PREX1: variants seen among roughly 807,000 people sequenced by gnomAD.
The protein encoded by PREX1 is phosphatidylinositol-3,4,5-trisphosphate dependent Rac exchange factor 1.
A neutral mutation model predicts 198.3 loss-of-function variants in PREX1; 41 were observed. The observed-to-expected ratio is 0.21, with a 90% CI of 0.16 to 0.27. The LOEUF (loss-of-function observed/expected upper bound fraction) is 0.27, where lower values mean the gene tolerates loss of function less well. Among genes scored for constraint, PREX1 ranks in the 10% least tolerant of loss-of-function variants. The pLI is 1.00. For synonymous variants in PREX1, 843 were observed against 887.2 expected (o/e 0.95, Z 0.89); for missense variants, 1,620 against 2,200.7 (o/e 0.74, Z 5.28).
intron 31 of PREX1, 46 bp downstream of exon 31, chr20:48,637,665 G>C (rs773523528): frequency 6.5e-7 from 1 of 1,546,846 alleles, no homozygotes; most frequent in African/African-American, 1.4e-5. Flanking sequence ...CTTGGGTGGT[G>C]GAAGAGGCCG....
intron 4 of PREX1, among the ~76,000 whole-genome samples, chr20:48,733,626 C>T (rs191374855): frequency 1.1e-4 from 16 of 152,194 alleles, no homozygotes; most frequent in Non-Finnish European, 1.5e-4. Context: ...ATCATTTGAA[C>T]ACCCAGACTC....
At chr20:48,657,000 A>C (rs766961804) in intron 18 of PREX1, 40 bp downstream of exon 18, 2 of 1,550,118 alleles carry the variant, frequency 1.3e-6, no homozygotes, top group Non-Finnish European at 1.7e-6. Flanking sequence ...ACTCAGCCTG[A>C]GAGGGAGGGC....
chr20:48,837,077 T>TA, the PREX1 span, among the ~76,000 whole-genome samples: 4 of 152,052 alleles, frequency 2.6e-5, no homozygotes, highest in African/African-American at 9.7e-5. Flanking sequence ...GGAAAATACT[T>TA]ACATAGATTC....
intron 15 of PREX1, among the ~76,000 whole-genome samples, chr20:48,663,090 C>T (rs376472220): frequency 2.0e-4 from 31 of 152,316 alleles, no homozygotes; most frequent in African/African-American, 7.2e-4. Context: ...CTGGCCCTTA[C>T]CTGCCCACCT....
intron 3 of PREX1, among the ~76,000 whole-genome samples, chr20:48,741,507 A>C (rs1450820939): frequency 4.6e-5 from 7 of 152,168 alleles, no homozygotes; most frequent in Non-Finnish European, 8.8e-5. Flanking sequence ...CTACAGGTGC[A>C]CATTACCATG....
intron 27 of PREX1, among the ~76,000 whole-genome samples, chr20:48,643,861 G>T (rs1568797960): frequency 6.6e-6 from 1 of 152,166 alleles, no homozygotes; most frequent in Non-Finnish European, 1.5e-5. Flanking sequence ...ATTTTTAGTA[G>T]AGACGGGGTT....
intron 2 of PREX1, among the ~76,000 whole-genome samples, chr20:48,745,653 G>C (rs2090104205): frequency 6.6e-6 from 1 of 152,218 alleles, no homozygotes; most frequent in Admixed American, 6.5e-5. Flanking sequence ...TTAGAAATAC[G>C]CTGTCTAAAC....
chr20:48,677,444 T>C (rs1348860427), intron 13 of PREX1, among the ~76,000 whole-genome samples: 1 of 152,200 alleles, frequency 6.6e-6, no homozygotes, highest in Non-Finnish European at 1.5e-5. Context: ...CATCCACAAC[T>C]GTGAGCTTTG....
intron 2 of PREX1, 96 bp downstream of exon 2, chr20:48,747,713 C>A (rs1601111484): frequency 1.5e-6 from 2 of 1,348,080 alleles, no homozygotes; most frequent in East Asian, 2.4e-5. Context: ...TGATGCGCCT[C>A]CCCCTGCATG....
chr20:48,633,357 AGCACAGAT>A (rs752809573), intron 33 of PREX1, among the ~76,000 whole-genome samples: 2 of 152,274 alleles, frequency 1.3e-5, no homozygotes, highest in Non-Finnish European at 2.9e-5. Context: ...ATGTATAATA[AGCACAGAT>A]GCACAGATAA....
At chr20:48,636,717 G>A in intron 31 of PREX1, 34 bp from the exon 32 acceptor site, 1 of 1,546,212 alleles carries the variant, frequency 6.5e-7, no homozygotes, top group African/African-American at 1.4e-5. Flanking sequence ...TTGCTGGAGG[G>A]GCGCTCCCGT....
At chr20:48,697,795 G>A (rs1306047021) in intron 7 of PREX1, among the ~76,000 whole-genome samples, 1 of 152,162 alleles carries the variant, frequency 6.6e-6, no homozygotes, top group African/African-American at 2.4e-5. Context: ...CTGGAGGATG[G>A]GAGGTGGGTT....
In PREX1 at chr20:48,692,705, C is replaced by T; in HGVS notation, c.1003G>A (p.Val335Ile). ...TCTTCCACATTCTCCACCTCCATGA[C>T]TTCAGTGTTGATTCGACCCCTGAAG... ...YIFRGRINTEVMEVENVEDGT... is the reference protein window; with the variant it reads ...YIFRGRINTEIMEVENVEDGT... The change falls in exon 8 of 40, where the codon GTC (valine) becomes ATC (isoleucine). Residue 335 changes from valine to isoleucine, a missense_variant. By Grantham distance (29) the Val-to-Ile change is conservative. This residue lies in a region of PREX1 where 488 missense variants were observed against 802.5 expected (regional missense o/e 0.61). Transcript: ENST00000371941. 1 of 1,614,138 alleles carries T rather than the reference C, an allele frequency of 6.2e-7. No homozygotes were observed. The highest frequency in any genetic ancestry group is 8.5e-7 in the Non-Finnish European group (1 of 1,180,020).
intron 1 of PREX1, among the ~76,000 whole-genome samples, chr20:48,773,104 T>C (rs979813411): frequency 4.6e-5 from 7 of 151,734 alleles, no homozygotes; most frequent in African/African-American, 1.7e-4. Flanking sequence ...TCGTCTCTAC[T>C]AAAAATACAA....
At chr20:48,786,427 G>A (rs929945206) in intron 1 of PREX1, among the ~76,000 whole-genome samples, 10 of 151,938 alleles carry the variant, frequency 6.6e-5, no homozygotes, top group African/African-American at 1.5e-4. Flanking sequence ...AGAAAGTGGC[G>A]GGGAAACGGG....
At chr20:48,674,782 T>C (rs2089697397) in intron 14 of PREX1, among the ~76,000 whole-genome samples, 1 of 152,226 alleles carries the variant, frequency 6.6e-6, no homozygotes, top group Non-Finnish European at 1.5e-5. Flanking sequence ...CAGGCCTGTA[T>C]GTGGCACCTG....
At chr20:48,809,274 G>C (rs759877124) in intron 1 of PREX1, among the ~76,000 whole-genome samples, 1 of 152,216 alleles carries the variant, frequency 6.6e-6, no homozygotes, top group Non-Finnish European at 1.5e-5. Flanking sequence ...GGCCAACGGG[G>C]CTCCCCTGGG....
At chr20:48,740,295 C>G (rs1014975750) in intron 3 of PREX1, among the ~76,000 whole-genome samples, 5 of 152,238 alleles carry the variant, frequency 3.3e-5, no homozygotes, top group African/African-American at 1.2e-4. Context: ...ATGCCTGTCA[C>G]AGAGACAGAG....
At chr20:48,649,165 T>C (rs2089472559) in intron 25 of PREX1, 135 bp downstream of exon 25, 1 of 1,276,772 alleles carries the variant, frequency 7.8e-7, no homozygotes, top group South Asian at 1.5e-5. Flanking sequence ...ACGAAAAAGA[T>C]ACTGCTAAAT....
Sources: allele counts gnomAD v4.1 joint callset (sites outside exome capture counted in the v4.1 genomes callset), GRCh38; gene constraint gnomAD v4.1.1; regional missense constraint gnomAD v4.1.1; transcripts MANE v1.5; gene names NCBI Gene and HGNC (gene_info 2026-07-23, HGNC 2026-07-21).